SLC7A7: variants seen among roughly 807,000 people sequenced by gnomAD.
SLC7A7 encodes the protein Y+L amino acid transporter 1.
A neutral mutation model predicts 47.9 loss-of-function variants in SLC7A7; 39 were observed. That is an observed-to-expected ratio of 0.81 (90% confidence interval 0.63 to 1.06). SLC7A7 has a LOEUF of 1.06. Ranked by LOEUF, SLC7A7 falls within the 50% of genes least tolerant of loss-of-function variation. The pLI is 0.00. For missense variants in SLC7A7, 588 were observed against 632.0 expected (o/e 0.93, Z 0.75); for synonymous variants, 234 against 242.8 (o/e 0.96, Z 0.34).
At chr14:22,779,494 G>C (rs551220125) in intron 3 of SLC7A7, among the ~76,000 whole-genome samples, 3 of 150,424 alleles carry the variant, frequency 2.0e-5, no homozygotes, top group South Asian at 4.2e-4. Flanking sequence ...TCGCTCTGTC[G>C]CCCAGGCTGG....
In SLC7A7 at chr14:22,773,974, AC is replaced by A. The variant is rs386833806; in HGVS notation, c.1387del (p.Val463CysfsTer56). On this transcript the variant is annotated frameshift_variant, in exon 9 of 10. Transcript: ENST00000674313. LOFTEE classifies it high-confidence loss of function. ...GTAAAGCGGTCGCTTATGTTCTGGC[AC>A]TCTGATGATGAGGAAGTAAAAGGGC... ...GLPFYFLIIR[V>X]PEHKRPLYLR... 3 of 1,614,058 alleles carry A rather than the reference AC, an allele frequency of 1.9e-6. No homozygotes were observed. In the East Asian group the frequency reaches 6.7e-5, roughly 36 times the overall value.
At chr14:22,781,472 A>G (rs1488835066) in intron 2 of SLC7A7, among the ~76,000 whole-genome samples, 4 of 152,150 alleles carry the variant, frequency 2.6e-5, no homozygotes, top group Admixed American at 2.0e-4. Flanking sequence ...TTCCTGTCCT[A>G]TATAAATGCT....
At chr14:22,795,392 TTCTTTC>T (rs2038997270) in intron 2 of SLC7A7, among the ~76,000 whole-genome samples, 1 of 49,496 alleles carries the variant, frequency 2.0e-5, no homozygotes, top group East Asian at 4.8e-4. Flanking sequence ...CTTGCTTTCT[TTCTTTC>T]TTTCTTTCTT....
chr14:22,773,554 G>T lies in SLC7A7; in HGVS notation c.*56C>A. On this transcript the variant is annotated 3_prime_UTR_variant, in exon 10 of 10. Coordinates refer to ENST00000674313, the MANE Select transcript of SLC7A7 (RefSeq NM_003982.4). ...TGAGCTTTCCTTTTCAACTTCCTTAGCTCTAGCCAGTAGACCAGAAACCCC... is the reference window on the plus strand; with the variant it reads ...TGAGCTTTCCTTTTCAACTTCCTTATCTCTAGCCAGTAGACCAGAAACCCC... The T allele has an allele frequency of 6.8e-7, 1 of 1,472,886 alleles. No homozygotes were observed. Among genetic ancestry groups the T allele is most frequent in the Non-Finnish European group, 9.5e-7 (1 of 1,052,208 alleles). 91.2% of individuals were successfully genotyped at this position (1,472,886 alleles called of 1,614,324 possible).
At chr14:22,788,232 A>T (rs1169703899) in intron 2 of SLC7A7, among the ~76,000 whole-genome samples, 1 of 152,180 alleles carries the variant, frequency 6.6e-6, no homozygotes, top group African/African-American at 2.4e-5. Context: ...CAAGAATATC[A>T]TGAGAATTTG....
At chr14:22,778,723 C>T in intron 4 of SLC7A7, 70 bp downstream of exon 4, 1 of 1,550,186 alleles carries the variant, frequency 6.5e-7, no homozygotes, top group South Asian at 1.1e-5. Flanking sequence ...GGTATGCTGT[C>T]TGGCACGTAG....
chr14:22,787,436 A>AAAATAAATAAATAAAT (rs34759644), intron 2 of SLC7A7, among the ~76,000 whole-genome samples: 103 of 148,278 alleles, frequency 6.9e-4, no homozygotes, highest in African/African-American at 2.4e-3. Flanking sequence ...ACTCCGTCTC[A>AAAATAAATAAATAAAT]AAATAAATAA....
chr14:22,813,028 A>G lies in SLC7A7; in HGVS notation c.371T>C (p.Leu124Pro), dbSNP rs386833814. 5 of 1,614,002 alleles carry G rather than the reference A, an allele frequency of 3.1e-6. No homozygotes were observed. In the African/African-American group the frequency reaches 6.7e-5, roughly 22 times the overall value. Residue 124 changes from leucine to proline, a missense_variant, in exon 2 of 10, where the codon CTG (leucine) becomes CCG (proline). Physicochemically the swap from Leu to Pro is moderately conservative, Grantham distance 98. Transcript: ENST00000674313. ...CTGGCTGGTGGGCTCAATGATGAGC[A>G]GGGAGGTCCAGAGTCTGATGAAAGC... The part of the protein sequence containing the change: ...FLAFIRLWTS[L>P]LIIEPTSQAI...
chr14:22,803,921 G>T (rs2039158119), intron 2 of SLC7A7, among the ~76,000 whole-genome samples: 1 of 152,106 alleles, frequency 6.6e-6, no homozygotes, highest in South Asian at 2.1e-4. Context: ...GCTTTATAGA[G>T]CCCAACATGT....
intron 2 of SLC7A7, among the ~76,000 whole-genome samples, chr14:22,782,011 G>A (rs1594951289): frequency 6.6e-6 from 1 of 152,324 alleles, no homozygotes; most frequent in South Asian, 2.1e-4. Flanking sequence ...TGTAGGCAGG[G>A]AAAAGGAGGG....
At chr14:22,798,295 C>CA (rs758885266) in intron 2 of SLC7A7, among the ~76,000 whole-genome samples, 81 of 141,904 alleles carry the variant, frequency 5.7e-4, no homozygotes, top group African/African-American at 1.5e-3. Flanking sequence ...GAAACTCTGT[C>CA]AAAAAAAAAG....
At chr14:22,789,627 CAAAA>C (rs71115580) in intron 2 of SLC7A7, among the ~76,000 whole-genome samples, 28 of 112,548 alleles carry the variant, frequency 2.5e-4, no homozygotes, top group Non-Finnish European at 3.7e-4. Flanking sequence ...GACTCTGGCT[CAAAA>C]AAAAAAAAAA....
chr14:22,812,172 T>C (rs535570505), intron 2 of SLC7A7, among the ~76,000 whole-genome samples: 1 of 151,830 alleles, frequency 6.6e-6, no homozygotes, highest in East Asian at 1.9e-4. Context: ...TTTTTTTTTA[T>C]TTTTATTTTT....
At chr14:22,789,583 A>T (rs1331929209) in intron 2 of SLC7A7, among the ~76,000 whole-genome samples, 1 of 150,220 alleles carries the variant, frequency 6.7e-6, no homozygotes, top group African/African-American at 2.5e-5. Flanking sequence ...AGCCAAGATC[A>T]CACCACTGCA....
At chr14:22,808,719 A>G (rs2039253135) in intron 2 of SLC7A7, among the ~76,000 whole-genome samples, 2 of 152,230 alleles carry the variant, frequency 1.3e-5, no homozygotes, top group African/African-American at 4.8e-5. Flanking sequence ...CTAAATTCTT[A>G]GTCTTGGTTG....
intron 2 of SLC7A7, among the ~76,000 whole-genome samples, chr14:22,796,895 T>G (rs943345666): frequency 3.3e-5 from 5 of 152,184 alleles, no homozygotes; most frequent in Non-Finnish European, 7.3e-5. Context: ...CCTGAGCTAT[T>G]GTGAAGTAAA....
rs2038516558 is a variant in SLC7A7 at position 22,773,501 on chromosome 14, G to C, written c.*109C>G. On this transcript the variant is annotated 3_prime_UTR_variant, in exon 10 of 10. Coordinates refer to ENST00000674313, the MANE Select transcript of SLC7A7 (RefSeq NM_003982.4). ...TCAAAGGTTGAAGCTGCCTAGGCCA[G>C]GCTTCTGGACAGGTGCCTCCAAAGA... The C allele has an allele frequency of 3.3e-6, 3 of 903,874 alleles. No individual in the cohort carries two copies. The South Asian group carries it at 4.1e-5, about 12-fold the overall frequency. The allele number at this position is 903,874 out of a possible 1,614,324, so 56.0% of individuals were successfully genotyped here.
Position 22,815,216 on chromosome 14 carries a change from G to A in SLC7A7, c.-43+104C>T, listed in dbSNP as rs555087539. 1.5e-4 allele frequency: 56 copies of A among 383,718 alleles called. No individual in the cohort carries two copies. The East Asian group carries it at 2.8e-3, about 19-fold the overall frequency. The allele number at this position is 383,718 out of a possible 1,614,324, so 23.8% of individuals were successfully genotyped here. On this transcript the variant is annotated intron_variant, in intron 1 of 9. Coordinates refer to ENST00000674313, the MANE Select transcript of SLC7A7 (RefSeq NM_003982.4). ...TAGTCAAGCAATGGAGAGATGTTAG[G>A]GTGAGAGGCACTCGGGAGAAGAAGC...
At position 22,775,941 on chromosome 14, in the gene SLC7A7, G is replaced by C; in HGVS notation, c.895-5C>G. On this transcript the variant is annotated splice_polypyrimidine_tract_variant and splice_region_variant and intron_variant, in intron 5 of 9. Coordinates refer to ENST00000674313, the MANE Select transcript of SLC7A7 (RefSeq NM_003982.4). ...AAATATCTGATCTGCAAAAGTCTAA[G>C]GGAAAAGAATGGAAGAGTCATTAGC... The C allele has an allele frequency of 6.2e-7, 1 of 1,607,614 alleles. No homozygotes were observed. The highest frequency in any genetic ancestry group is 1.1e-5 in the South Asian group (1 of 90,962).
Sources: gnomAD v4.1 joint callset for allele counts (sites outside exome capture counted in the v4.1 genomes callset) on GRCh38, gnomAD v4.1.1 for gene constraint, MANE v1.5 for transcripts, NCBI Gene and HGNC (gene_info 2026-07-23, HGNC 2026-07-21) for gene names.